Variants in TAFA5 observed in about 807,000 individuals in gnomAD.
TAFA5 encodes chemokine-like protein TAFA-5.
A neutral mutation model predicts 15.3 loss-of-function variants in TAFA5; 6 were observed. That is an observed-to-expected ratio of 0.39 (90% CI 0.21 to 0.77). The LOEUF (loss-of-function observed/expected upper bound fraction) is 0.77. Among genes scored for constraint, TAFA5 ranks in the 30% least tolerant of loss-of-function variants. The probability of loss-of-function intolerance (pLI) is 0.41; values close to 1 mark genes in which losing one functional copy is unlikely to be tolerated. For missense variants in TAFA5, 161 were observed against 193.1 expected (o/e 0.83, Z 0.98); for synonymous variants, 103 against 80.7 (o/e 1.28, Z -1.48).
intron 1 of TAFA5, among the ~76,000 whole-genome samples, chr22:48,596,908 A>ACTGATCCT (rs1254013689): frequency 3.3e-5 from 5 of 152,178 alleles, no homozygotes; most frequent in South Asian, 4.1e-4. Context: ...TCCCAGCTCC[A>ACTGATCCT]CTGATCCTCT....
chr22:48,493,731 C>T (rs951817194), intron 1 of TAFA5, among the ~76,000 whole-genome samples: 7 of 152,166 alleles, frequency 4.6e-5, no homozygotes, highest in African/African-American at 1.7e-4. Flanking sequence ...AGCCGACATC[C>T]ATGCCCTAGG....
chr22:48,726,610 G>T (rs1212692790), intron 3 of TAFA5, among the ~76,000 whole-genome samples: 1 of 136,024 alleles, frequency 7.4e-6, no homozygotes, highest in African/African-American at 2.8e-5. Flanking sequence ...TCCAGTCGTG[G>T]TAGTCTGGAC....
At chr22:48,611,838 C>A (rs1423249947) in intron 1 of TAFA5, among the ~76,000 whole-genome samples, 1 of 152,208 alleles carries the variant, frequency 6.6e-6, no homozygotes. Context: ...GAGGCAGTGC[C>A]TGGGGTGTGA....
At chr22:48,731,434 C>A (rs1929866159) in intron 3 of TAFA5, among the ~76,000 whole-genome samples, 1 of 152,204 alleles carries the variant, frequency 6.6e-6, no homozygotes, top group Non-Finnish European at 1.5e-5. Flanking sequence ...AAGAAGACGC[C>A]CACTGTGGGA....
chr22:48,638,235 A>AC (rs1437103024), intron 1 of TAFA5, among the ~76,000 whole-genome samples: 3 of 147,282 alleles, frequency 2.0e-5, no homozygotes, highest in Non-Finnish European at 4.5e-5. Context: ...CGTGTCTTAG[A>AC]CCCCCGACAC....
At chr22:48,686,871 A>T (rs1349802005) in intron 2 of TAFA5, among the ~76,000 whole-genome samples, 1 of 146,466 alleles carries the variant, frequency 6.8e-6, no homozygotes, top group Non-Finnish European at 1.5e-5. Flanking sequence ...GGATGGATAG[A>T]TGGAGATGAT....
chr22:48,649,144 A>T (rs1030370244), intron 2 of TAFA5, among the ~76,000 whole-genome samples: 1 of 152,232 alleles, frequency 6.6e-6, no homozygotes, highest in Admixed American at 6.5e-5. Flanking sequence ...TGAAGGGAGC[A>T]TGCCTTGCCC....
intron 1 of TAFA5, among the ~76,000 whole-genome samples, chr22:48,617,710 A>G (rs577228593): frequency 6.6e-6 from 1 of 152,168 alleles, no homozygotes; most frequent in East Asian, 1.9e-4. Context: ...CGGGGGCTGG[A>G]TGTTCTGGAG....
At chr22:48,525,934 G>A (rs1036964203) in intron 1 of TAFA5, among the ~76,000 whole-genome samples, 2 of 152,122 alleles carry the variant, frequency 1.3e-5, no homozygotes, top group East Asian at 1.9e-4. Context: ...CTCCACTCCC[G>A]CTGCCCTGCC....
At chr22:48,591,385 C>A (rs1414389003) in intron 1 of TAFA5, among the ~76,000 whole-genome samples, 1 of 152,234 alleles carries the variant, frequency 6.6e-6, no homozygotes, top group Non-Finnish European at 1.5e-5. Flanking sequence ...CAAGCCACCC[C>A]TCTGGGTCCT....
chr22:48,590,180 G>A (rs1211174301), intron 1 of TAFA5, among the ~76,000 whole-genome samples: 3 of 152,132 alleles, frequency 2.0e-5, no homozygotes, highest in African/African-American at 4.8e-5. Context: ...GGAATGCCAC[G>A]GAGGCGAGGG....
chr22:48,529,225 G>A lies in TAFA5; in HGVS notation c.112+39521G>A, dbSNP rs375945245. Among the ~76,000 whole-genome samples, 73 of 102,024 alleles carry A rather than the reference G, an allele frequency of 7.2e-4. 12 individuals carry two copies. Among genetic ancestry groups the A allele is most frequent in the Non-Finnish European group, 1.0e-3 (46 of 44,434 alleles). 66.9% of individuals were successfully genotyped at this position (102,024 alleles called of 152,430 possible). Reference sequence around the variant, plus strand: ...AGGAAATGAGGATGTCCAGGCAGGAGATGGGGGTGTTCAGGCAGGAGATGG... The same window carrying A: ...AGGAAATGAGGATGTCCAGGCAGGAAATGGGGGTGTTCAGGCAGGAGATGG... On this transcript the variant is annotated intron_variant, in intron 1 of 3. Transcript: ENST00000402357.
chr22:48,547,723 G>A (rs895172027), intron 1 of TAFA5, among the ~76,000 whole-genome samples: 1 of 152,196 alleles, frequency 6.6e-6, no homozygotes, highest in Admixed American at 6.5e-5. Context: ...AGCCTTGGGA[G>A]CGTGTTAGGA....
At chr22:48,743,394 C>T (rs1930237675) in intron 3 of TAFA5, among the ~76,000 whole-genome samples, 1 of 152,204 alleles carries the variant, frequency 6.6e-6, no homozygotes, top group Admixed American at 6.5e-5. Flanking sequence ...GTCCAGATTT[C>T]CTTCTCCCTG....
intron 3 of TAFA5, among the ~76,000 whole-genome samples, chr22:48,729,923 A>G (rs5771753): frequency 0.31 from 47,121 of 151,868 alleles, 8,350 homozygotes; most frequent in Non-Finnish European, 0.41. Context: ...TCCTTCAGCA[A>G]GCAGCCTAGC....
chr22:48,589,501 A>G (rs771810076), intron 1 of TAFA5, among the ~76,000 whole-genome samples: 21 of 151,922 alleles, frequency 1.4e-4, no homozygotes, highest in Non-Finnish European at 2.2e-4. Flanking sequence ...GAGGTCCCCA[A>G]AGACAGAGCC....
chr22:48,655,053 G>T (rs1372758266), intron 2 of TAFA5, among the ~76,000 whole-genome samples: 1 of 152,150 alleles, frequency 6.6e-6, no homozygotes, highest in Non-Finnish European at 1.5e-5. Context: ...TGGAGGAAAT[G>T]GGCACTGTGT....
chr22:48,707,179 A>G (rs130139), intron 2 of TAFA5, among the ~76,000 whole-genome samples: 98,852 of 150,622 alleles, frequency 0.66, 33,002 homozygotes, highest in Non-Finnish European at 0.71. Flanking sequence ...AGGCGGGAGT[A>G]GGATGGGGGC....
Position 48,709,244 on chromosome 22 carries a change from C to G in TAFA5, c.390+1400C>G, listed in dbSNP as rs530662727. On this transcript the variant is annotated intron_variant, in intron 3 of 3. Transcript: ENST00000402357. ...CAGGAGATGAGGGACGTGGGTTGCT[C>G]TAAGCTGAGGTCCTGGGCTTTGCCT... 2.0e-5 allele frequency among the ~76,000 whole-genome samples: 3 copies of G among 152,294 alleles called. No individual in the cohort carries two copies. In the South Asian group the frequency reaches 6.2e-4, roughly 32 times the overall value.
Sources: allele counts gnomAD v4.1 joint callset (sites outside exome capture counted in the v4.1 genomes callset), GRCh38; gene constraint gnomAD v4.1.1; transcripts MANE v1.5; gene names NCBI Gene and HGNC (gene_info 2026-07-23, HGNC 2026-07-21).